Variants in TMOD3 observed in about 807,000 individuals in gnomAD.
The protein encoded by TMOD3 is tropomodulin-3.
A neutral mutation model predicts 39.2 loss-of-function variants in TMOD3; 20 were observed. The observed-to-expected ratio is 0.51, with a 90% CI of 0.36 to 0.74. TMOD3 has a LOEUF of 0.74. TMOD3 is among the 30% of genes least tolerant of loss of function. The probability of loss-of-function intolerance (pLI) is 0.00; values close to 1 mark genes in which losing one functional copy is unlikely to be tolerated. For synonymous variants in TMOD3, 143 were observed against 145.8 expected, an observed-to-expected ratio of 0.98 and a Z score of 0.14; for missense variants, 381 against 412.8, an observed-to-expected ratio of 0.92 and a Z score of 0.67.
rs867227226 is a variant in TMOD3 at position 51,900,303 on chromosome 15, A to G, written c.879+5A>G. On this transcript the variant is annotated splice_donor_5th_base_variant and intron_variant, in intron 8 of 9. Coordinates refer to ENST00000308580, the MANE Select transcript of TMOD3 (RefSeq NM_014547.5). ...GAGCTCAAGATTGACAATCAGGTCA[A>G]TGTTCTACAATAATAACGTCGAGGA... is the stretch of plus-strand genomic sequence containing the variant. The G allele has an allele frequency of 4.3e-6, 7 of 1,613,804 alleles. No individual in the cohort carries two copies. The highest frequency in any genetic ancestry group is 2.7e-5 in the African/African-American group (2 of 74,904).
chr15:51,861,228 A>C, intron 1 of TMOD3: 2 of 446,958 alleles, frequency 4.5e-6, no homozygotes, highest in Non-Finnish European at 8.7e-6. Context: ...GAACAGTCCA[A>C]TGTGCTCTAG....
intron 7 of TMOD3, among the ~76,000 whole-genome samples, chr15:51,896,731 T>A (rs1034619578): frequency 1.3e-5 from 2 of 152,176 alleles, no homozygotes; most frequent in African/African-American, 4.8e-5. Flanking sequence ...TTCCCCCTCC[T>A]TCCTATGAAT....
intron 5 of TMOD3, among the ~76,000 whole-genome samples, chr15:51,892,202 T>C (rs558297162): frequency 6.6e-6 from 1 of 152,290 alleles, no homozygotes; most frequent in South Asian, 2.1e-4. Flanking sequence ...AAAAGCCAGA[T>C]AGTAGTCCAT....
intron 1 of TMOD3, among the ~76,000 whole-genome samples, chr15:51,856,671 T>G (rs1217913830): frequency 1.3e-5 from 2 of 151,792 alleles, no homozygotes; most frequent in Non-Finnish European, 2.9e-5. Context: ...AATGAACATA[T>G]GAAAAGATGC....
At chr15:51,850,062 G>A (rs570015484) in intron 1 of TMOD3, among the ~76,000 whole-genome samples, 2 of 152,280 alleles carry the variant, frequency 1.3e-5, no homozygotes, top group Middle Eastern at 3.4e-3. Context: ...GAGACAATAA[G>A]AGGGAGAGGA....
intron 2 of TMOD3, among the ~76,000 whole-genome samples, chr15:51,868,513 A>G (rs1006917085): frequency 3.9e-5 from 6 of 152,034 alleles, no homozygotes; most frequent in African/African-American, 4.8e-5. Context: ...ACTTAGCTCT[A>G]TATGTGTGCT....
chr15:51,904,939 C>T (rs950547096), intron 9 of TMOD3, among the ~76,000 whole-genome samples: 7 of 152,188 alleles, frequency 4.6e-5, no homozygotes, highest in Non-Finnish European at 1.0e-4. Flanking sequence ...CAGCTTTGTT[C>T]CGGGAACTCT....
intron 4 of TMOD3, among the ~76,000 whole-genome samples, 192 bp from the exon 5 acceptor site, chr15:51,888,864 G>C (rs1423346106): frequency 6.6e-6 from 1 of 152,048 alleles, no homozygotes; most frequent in Non-Finnish European, 1.5e-5. Context: ...TAGAAATGTG[G>C]GGGAAAATAA....
chr15:51,865,140 C>G (rs2141686280), intron 2 of TMOD3, among the ~76,000 whole-genome samples: 1 of 152,240 alleles, frequency 6.6e-6, no homozygotes, highest in East Asian at 1.9e-4. Context: ...GCAAGCACCA[C>G]TATACCCAGC....
chr15:51,834,687 C>T (rs947180270), intron 1 of TMOD3, among the ~76,000 whole-genome samples: 1 of 152,070 alleles, frequency 6.6e-6, no homozygotes, highest in Admixed American at 6.6e-5. Flanking sequence ...AAAAATTAGC[C>T]GGAAGTACTG....
intron 1 of TMOD3, among the ~76,000 whole-genome samples, chr15:51,854,580 A>C (rs2056378803): frequency 6.6e-6 from 1 of 152,224 alleles, no homozygotes; most frequent in African/African-American, 2.4e-5. Context: ...TACTCCCTAC[A>C]CAAATATAAA....
chr15:51,839,165 C>CTTTTTTTTTTTTT (rs60102349), intron 1 of TMOD3, among the ~76,000 whole-genome samples: 1 of 108,970 alleles, frequency 9.2e-6, no homozygotes, highest in African/African-American at 3.1e-5. Context: ...GTGTATCTCT[C>CTTTTTTTTTTTTT]TTTTTTTTTT....
Position 51,911,413 on chromosome 15 carries a change from T to C in TMOD3, c.*2603T>C, listed in dbSNP as rs2056710992. The C allele has an allele frequency of 1.3e-5, 2 of 152,208 alleles. No homozygotes were observed. The highest frequency in any genetic ancestry group is 1.9e-4 in the East Asian group (1 of 5,204). The allele number at this position is 152,208 out of a possible 1,614,324, so 9.4% of individuals were successfully genotyped here. A position where few individuals can be genotyped will look rare whatever the true frequency, so the allele number is the denominator to read the frequency against. ...ACATTAAATATGAACATTCATCCAA[T>C]TGAATTTACAAAATCTTTCCAAAAT... On this transcript the variant is annotated 3_prime_UTR_variant, in exon 10 of 10. Transcript: ENST00000308580.
At chr15:51,831,019 C>G (rs1373277686) in intron 1 of TMOD3, among the ~76,000 whole-genome samples, 1 of 152,154 alleles carries the variant, frequency 6.6e-6, no homozygotes, top group East Asian at 1.9e-4. Flanking sequence ...GTTTGCTGAT[C>G]TTTAAAATTA....
intron 1 of TMOD3, among the ~76,000 whole-genome samples, chr15:51,856,743 G>A (rs2056389793): frequency 6.6e-6 from 1 of 152,028 alleles, no homozygotes; most frequent in Non-Finnish European, 1.5e-5. Flanking sequence ...CACCAGAATG[G>A]CCAAAAATAA....
intron 3 of TMOD3, among the ~76,000 whole-genome samples, chr15:51,876,268 A>G (rs2141693410): frequency 6.6e-6 from 1 of 152,286 alleles, no homozygotes; most frequent in African/African-American, 2.4e-5. Flanking sequence ...TCTTGGGCTC[A>G]GGTGATTCTT....
At chr15:51,850,265 TCTTGTATAAATGTATACTGGAACC>T (rs1420156700) in intron 1 of TMOD3, among the ~76,000 whole-genome samples, 1 of 152,066 alleles carries the variant, frequency 6.6e-6, no homozygotes, top group Non-Finnish European at 1.5e-5. Flanking sequence ...ATAATTGTGC[TCTTGTATAAATGTATACTGGAACC>T]CTTGTATAAA....
Position 51,900,382 on chromosome 15 carries a change from G to T in TMOD3, c.879+84G>T, listed in dbSNP as rs992872868. Reference sequence around the variant, plus strand: ...TTGGCGACTCAGGATGGGGATGGGAGGCGGGCTGTCAGGGATCCCTGTTGG... The same window carrying T: ...TTGGCGACTCAGGATGGGGATGGGATGCGGGCTGTCAGGGATCCCTGTTGG... On this transcript the variant is annotated intron_variant, in intron 8 of 9. Coordinates refer to ENST00000308580, the MANE Select transcript of TMOD3 (RefSeq NM_014547.5). The T allele has an allele frequency of 3.3e-6, 5 of 1,510,806 alleles. No individual in the cohort carries two copies. The African/African-American group carries it at 7.0e-5, about 21-fold the overall frequency. The allele number at this position is 1,510,806 out of a possible 1,614,324, so 93.6% of individuals were successfully genotyped here. A position where few individuals can be genotyped will look rare whatever the true frequency, so the allele number is the denominator to read the frequency against.
At chr15:51,855,226 C>T (rs2056381925) in intron 1 of TMOD3, among the ~76,000 whole-genome samples, 1 of 152,256 alleles carries the variant, frequency 6.6e-6, no homozygotes, top group Non-Finnish European at 1.5e-5. Context: ...GGGAGCACCT[C>T]TAGAGCAGTA....
Sources: allele counts gnomAD v4.1 joint callset (sites outside exome capture counted in the v4.1 genomes callset), GRCh38; gene constraint gnomAD v4.1.1; transcripts MANE v1.5; gene names NCBI Gene and HGNC (gene_info 2026-07-23, HGNC 2026-07-21).